PPFIBP1: variants seen among roughly 807,000 people sequenced by gnomAD.
PPFIBP1 encodes the protein liprin-beta-1.
Under a neutral mutation model 137.8 loss-of-function variants are expected in PPFIBP1, and 112 were observed. The ratio of observed to expected loss-of-function variants is 0.81; its 90% CI spans 0.70 to 0.95. The LOEUF (loss-of-function observed/expected upper bound fraction) is 0.95, where lower values mean the gene tolerates loss of function less well. PPFIBP1 is among the 40% of genes least tolerant of loss of function. The pLI, the probability that PPFIBP1 is intolerant of heterozygous loss-of-function variation, is 0.00. For synonymous variants in PPFIBP1, 378 were observed against 417.3 expected, an observed-to-expected ratio of 0.91 and a Z score of 1.15; for missense variants, 1,083 against 1,196.6, an observed-to-expected ratio of 0.91 and a Z score of 1.40.
intron 2 of PPFIBP1, among the ~76,000 whole-genome samples, chr12:27,603,409 T>C (rs1298705120): frequency 6.6e-6 from 1 of 152,226 alleles, no homozygotes. Context: ...GCAATACCCT[T>C]CTGGGAAAAA....
intron 2 of PPFIBP1, among the ~76,000 whole-genome samples, chr12:27,604,909 C>T (rs1198343632): frequency 2.0e-5 from 3 of 152,118 alleles, no homozygotes; most frequent in Admixed American, 6.5e-5. Context: ...ACATGGATGG[C>T]GGGAAGCAAA....
chr12:27,629,052 G>A (rs192811934), intron 2 of PPFIBP1, among the ~76,000 whole-genome samples: 4 of 152,248 alleles, frequency 2.6e-5, no homozygotes, highest in African/African-American at 9.6e-5. Flanking sequence ...ATGGCAGAGG[G>A]CTCCCTGAAA....
chr12:27,553,401 C>G (rs963461849), intron 1 of PPFIBP1, among the ~76,000 whole-genome samples: 2 of 152,104 alleles, frequency 1.3e-5, no homozygotes, highest in Non-Finnish European at 2.9e-5. Flanking sequence ...CGATAGGTTG[C>G]CCCTGCCCCG....
chr12:27,658,373 G>T (rs1299894779), intron 9 of PPFIBP1, among the ~76,000 whole-genome samples: 1 of 152,122 alleles, frequency 6.6e-6, no homozygotes, highest in Admixed American at 6.6e-5. Context: ...TACTGGACAG[G>T]AGATAGACCC....
At chr12:27,530,347 C>A (rs1944278424) in intron 1 of PPFIBP1, among the ~76,000 whole-genome samples, 1 of 151,968 alleles carries the variant, frequency 6.6e-6, no homozygotes, top group African/African-American at 2.4e-5. Flanking sequence ...ACTGGTTGAA[C>A]CTGTGATCTT....
chr12:27,679,173 A>C (rs994716001), intron 19 of PPFIBP1, among the ~76,000 whole-genome samples: 14 of 152,210 alleles, frequency 9.2e-5, no homozygotes, highest in African/African-American at 3.4e-4. Context: ...GTAGCAGGTA[A>C]TCAACAGTAC....
intron 5 of PPFIBP1, among the ~76,000 whole-genome samples, 176 bp from the exon 6 acceptor site, chr12:27,647,553 A>G (rs868589370): frequency 3.3e-5 from 5 of 152,200 alleles, no homozygotes; most frequent in Non-Finnish European, 7.3e-5. Context: ...TCAAATAGCA[A>G]CATATAAATA....
intron 2 of PPFIBP1, among the ~76,000 whole-genome samples, chr12:27,600,292 C>T (rs559241468): frequency 6.6e-5 from 10 of 152,038 alleles, no homozygotes; most frequent in Admixed American, 2.0e-4. Flanking sequence ...AGAAATTAGC[C>T]GGGTATGGTG....
chr12:27,574,957 T>C (rs1231964730), intron 1 of PPFIBP1, among the ~76,000 whole-genome samples: 1 of 152,204 alleles, frequency 6.6e-6, no homozygotes, highest in African/African-American at 2.4e-5. Flanking sequence ...AATATCACAA[T>C]TAGTGTATCA....
chr12:27,663,130 C>T (rs548985862), intron 11 of PPFIBP1, among the ~76,000 whole-genome samples: 5 of 152,300 alleles, frequency 3.3e-5, no homozygotes, highest in African/African-American at 4.8e-5. Context: ...GATGGTCTCC[C>T]ATCCTCCAGT....
chr12:27,691,663 G>A (rs1187599311), intron 27 of PPFIBP1, 86 bp from the exon 28 acceptor site: 6 of 1,080,488 alleles, frequency 5.6e-6, no homozygotes, highest in East Asian at 2.4e-5. Context: ...AGGGGGCAAC[G>A]CAAAAAAAAA....
chr12:27,667,546 A>G (rs1301394811), intron 13 of PPFIBP1, among the ~76,000 whole-genome samples: 1 of 152,248 alleles, frequency 6.6e-6, no homozygotes, highest in Non-Finnish European at 1.5e-5. Context: ...AAGCAACTGG[A>G]GAGGAGTAAA....
At chr12:27,574,674 T>C (rs1029440316) in intron 1 of PPFIBP1, among the ~76,000 whole-genome samples, 2 of 152,170 alleles carry the variant, frequency 1.3e-5, no homozygotes, top group African/African-American at 2.4e-5. Context: ...AGATTTTATT[T>C]TGTATAATTT....
Position 27,563,257 on chromosome 12 carries a change from C to A in PPFIBP1, c.-123-14895C>A, listed in dbSNP as rs533951243. On this transcript the variant is annotated intron_variant, in intron 1 of 29. Transcript: ENST00000228425. ...GAGATCAAGACCATCCTGGCTAACA[C>A]GGTGAAAACCCATCTCTACTAAAAA... Among the ~76,000 whole-genome samples, 3 of 106,166 alleles carry A rather than the reference C, an allele frequency of 2.8e-5. No individual in the cohort carries two copies. In the South Asian group the frequency reaches 1.0e-3, roughly 36 times the overall value. The allele number at this position is 106,166 out of a possible 152,430, so 69.6% of individuals were successfully genotyped here.
chr12:27,692,051 T>C, intron 28 of PPFIBP1, 123 bp downstream of exon 28: 2 of 807,512 alleles, frequency 2.5e-6, no homozygotes, highest in Non-Finnish European at 3.8e-6. Flanking sequence ...CAGATAATAA[T>C]AGTGAACACT....
intron 1 of PPFIBP1, among the ~76,000 whole-genome samples, chr12:27,561,483 C>G (rs2049158814): frequency 1.3e-5 from 2 of 152,154 alleles, no homozygotes; most frequent in Non-Finnish European, 2.9e-5. Context: ...GTGGGTCTCT[C>G]TGTAGGTGTT....
chr12:27,580,942 G>A (rs1001420250), intron 2 of PPFIBP1, among the ~76,000 whole-genome samples: 5 of 151,194 alleles, frequency 3.3e-5, no homozygotes, highest in African/African-American at 4.9e-5. Context: ...ACAGGGTCTC[G>A]GTTTGTTGCC....
intron 2 of PPFIBP1, among the ~76,000 whole-genome samples, chr12:27,607,570 T>G (rs1302005915): frequency 3.9e-5 from 6 of 152,202 alleles, no homozygotes; most frequent in Non-Finnish European, 2.9e-5. Context: ...AGTTCCTGAT[T>G]CAGTAGGTGT....
At chr12:27,648,778 T>C (rs1211068231) in intron 6 of PPFIBP1, among the ~76,000 whole-genome samples, 2 of 152,106 alleles carry the variant, frequency 1.3e-5, no homozygotes, top group Admixed American at 6.5e-5. Context: ...TCTTACTTAT[T>C]TGTGGGATCT....
Sources: allele counts gnomAD v4.1 joint callset (sites outside exome capture counted in the v4.1 genomes callset), GRCh38; gene constraint gnomAD v4.1.1; transcripts MANE v1.5; gene names NCBI Gene and HGNC (gene_info 2026-07-23, HGNC 2026-07-21).